Variants in ATAD2B observed in about 807,000 individuals in gnomAD.
ATAD2B encodes ATPase family AAA domain-containing protein 2B.
A neutral mutation model predicts 167.6 loss-of-function variants in ATAD2B; 40 were observed. The ratio of observed to expected loss-of-function variants is 0.24; its 90% CI spans 0.19 to 0.31. The LOEUF (loss-of-function observed/expected upper bound fraction) is 0.31, where lower values mean the gene tolerates loss of function less well. Among genes scored for constraint, ATAD2B ranks in the 10% least tolerant of loss-of-function variants. The pLI is 1.00. For missense variants in ATAD2B, 1,242 were observed against 1,757.2 expected, an observed-to-expected ratio of 0.71 and a Z score of 5.24; for synonymous variants, 579 against 596.5, an observed-to-expected ratio of 0.97 and a Z score of 0.43.
At chr2:23,919,609 G>A (rs926702084) in intron 1 of ATAD2B, among the ~76,000 whole-genome samples, 4 of 152,038 alleles carry the variant, frequency 2.6e-5, no homozygotes, top group Admixed American at 6.6e-5. Context: ...TTGAGAGGCC[G>A]AGGCGGGCAA....
chr2:23,831,774 T>C (rs1227071833), intron 14 of ATAD2B, among the ~76,000 whole-genome samples: 1 of 152,210 alleles, frequency 6.6e-6, no homozygotes, highest in Non-Finnish European at 1.5e-5. Flanking sequence ...CTAAATCCTA[T>C]CACTTTTTGC....
intron 8 of ATAD2B, among the ~76,000 whole-genome samples, chr2:23,875,215 A>G (rs1696645754): frequency 6.6e-6 from 1 of 151,622 alleles, no homozygotes; most frequent in Non-Finnish European, 1.5e-5. Context: ...TTAAAAGTAG[A>G]AACTGGTCGG....
At position 23,878,025 on chromosome 2, in the gene ATAD2B, A is replaced by AAAAG. The variant is rs1553440555; in HGVS notation, c.902-2122_902-2121insCTTT. ...ACCCTATCTCCAAAGAAAAAAAAAA[A>AAAAG]AAAAAAAAAAAAAAGCAAAATGTAT... On this transcript the variant is annotated intron_variant, in intron 7 of 27. Transcript: ENST00000238789. Among the ~76,000 whole-genome samples, 1,017 of 106,938 alleles carry AAAAG rather than the reference A, an allele frequency of 9.5e-3. 43 individuals carry two copies. The highest frequency in any genetic ancestry group is 0.016 in the Non-Finnish European group (768 of 47,180). The allele number at this position is 106,938 out of a possible 152,430, so 70.2% of individuals were successfully genotyped here. A position where few individuals can be genotyped will look rare whatever the true frequency, so the allele number is the denominator to read the frequency against.
intron 1 of ATAD2B, among the ~76,000 whole-genome samples, chr2:23,914,906 T>G (rs1174771114): frequency 6.6e-6 from 1 of 151,680 alleles, no homozygotes; most frequent in African/African-American, 2.4e-5. Flanking sequence ...GCAGCACATA[T>G]AGAAGTAATA....
intron 22 of ATAD2B, among the ~76,000 whole-genome samples, chr2:23,774,054 A>T (rs1174564034): frequency 6.6e-6 from 1 of 152,200 alleles, no homozygotes; most frequent in Non-Finnish European, 1.5e-5. Flanking sequence ...AAAAAATCCC[A>T]GAAGTATATT....
intron 13 of ATAD2B, among the ~76,000 whole-genome samples, chr2:23,838,872 C>T (rs943673029): frequency 5.9e-5 from 9 of 152,024 alleles, no homozygotes; most frequent in African/African-American, 2.2e-4. Flanking sequence ...CCCTAAGAGG[C>T]CTTAATAACT....
At chr2:23,809,468 T>C (rs1685203629) in intron 18 of ATAD2B, among the ~76,000 whole-genome samples, 1 of 152,096 alleles carries the variant, frequency 6.6e-6, no homozygotes, top group Non-Finnish European at 1.5e-5. Flanking sequence ...ATAATTACAG[T>C]ATATGTGTTA....
chr2:23,899,621 C>T lies in ATAD2B; in HGVS notation c.217-3651G>A, dbSNP rs1164834728. Among the ~76,000 whole-genome samples, 8 of 152,116 alleles carry T rather than the reference C, an allele frequency of 5.3e-5. No homozygotes were observed. In the South Asian group the frequency reaches 1.5e-3, roughly 28 times the overall value. On this transcript the variant is annotated intron_variant, in intron 1 of 27. Coordinates refer to ENST00000238789, the MANE Select transcript of ATAD2B (RefSeq NM_017552.4). ...CTTTTTTTTCTCTGAGATGGAGTCT[C>T]GCTCTCTCACCCAAGCTGGAGTGCA...
chr2:23,851,767 TC>T (rs1485134919), intron 13 of ATAD2B, among the ~76,000 whole-genome samples: 2 of 151,698 alleles, frequency 1.3e-5, no homozygotes, highest in East Asian at 1.9e-4. Flanking sequence ...TGCCTACAAA[TC>T]CCCCTCAGTC....
chr2:23,696,265 G>GCTGGGC, the ATAD2B span: 834 of 1,505,538 alleles, frequency 5.5e-4, 3 homozygotes, highest in African/African-American at 0.011. This position sits in a 1 kb window ranked among gnomAD's most constrained non-coding sequence, Gnocchi z 5.5. Flanking sequence ...TGCCCCTGGG[G>GCTGGGC]CTGGGCCTGC....
At position 23,877,847 on chromosome 2, in the gene ATAD2B, G is replaced by C. The variant is rs534889958; in HGVS notation, c.902-1943C>G. ...CACTCCAGCCTGGGTGACAGAATGA[G>C]ACTATCTCAAAAAAAAAGAAAAAGA... On this transcript the variant is annotated intron_variant, in intron 7 of 27. Coordinates refer to ENST00000238789, the MANE Select transcript of ATAD2B (RefSeq NM_017552.4). Among the ~76,000 whole-genome samples the C allele has an allele frequency of 1.0e-4, 15 of 149,248 alleles. No individual in the cohort carries two copies. The East Asian group carries it at 3.0e-3, about 29-fold the overall frequency.
the ATAD2B span, among the ~76,000 whole-genome samples, chr2:23,701,791 TGC>T: frequency 1.4e-4 from 6 of 43,048 alleles, no homozygotes; most frequent in Non-Finnish European, 3.4e-4. Flanking sequence ...GGCTTTTTTT[TGC>T]TTTTTTTTTT....
chr2:23,820,359 G>C lies in ATAD2B; in HGVS notation c.2132-477C>G, dbSNP rs540413453. Among the ~76,000 whole-genome samples the C allele has an allele frequency of 2.6e-5, 4 of 152,264 alleles. No individual in the cohort carries two copies. The East Asian group carries it at 5.8e-4, about 22-fold the overall frequency. On this transcript the variant is annotated intron_variant, in intron 16 of 27. Transcript: ENST00000238789. ...TTCAAAGAAGTCTTAGTGTAGTTAA[G>C]ATGGAGTCAGAAATTCCGTCAAAGC...
the ATAD2B span, chr2:23,693,137 G>A: frequency 1.8e-6 from 2 of 1,085,782 alleles, no homozygotes; most frequent in Non-Finnish European, 2.5e-6. Context: ...GGGGCCTGCA[G>A]GGACTCTGGA....
intron 9 of ATAD2B, 61 bp downstream of exon 9, chr2:23,869,602 T>TA: frequency 1.7e-6 from 2 of 1,183,206 alleles, no homozygotes; most frequent in Non-Finnish European, 2.4e-6. Flanking sequence ...AGAAAATCAC[T>TA]CAAAAAAAAC....
chr2:23,743,522 C>T, the ATAD2B span, among the ~76,000 whole-genome samples: 1 of 150,136 alleles, frequency 6.7e-6, no homozygotes, highest in South Asian at 2.1e-4. Flanking sequence ...GACATTACAC[C>T]ACTGCACTCC....
chr2:23,866,431 T>C (rs1695145209), intron 10 of ATAD2B, among the ~76,000 whole-genome samples: 2 of 152,110 alleles, frequency 1.3e-5, no homozygotes, highest in South Asian at 4.2e-4. Context: ...AGAAAAAGAA[T>C]TTAGTCTACT....
At chr2:23,716,399 G>C in the ATAD2B span, among the ~76,000 whole-genome samples, 2 of 152,132 alleles carry the variant, frequency 1.3e-5, no homozygotes, top group Non-Finnish European at 2.9e-5. Context: ...AATTTATAGA[G>C]ATCAGGTATA....
the ATAD2B span, among the ~76,000 whole-genome samples, chr2:23,709,374 C>CG: frequency 6.6e-6 from 1 of 152,140 alleles, no homozygotes; most frequent in Non-Finnish European, 1.5e-5. Flanking sequence ...AAAATCCAGT[C>CG]GGGGGGCCTC....
Sources: allele counts gnomAD v4.1 joint callset (sites outside exome capture counted in the v4.1 genomes callset), GRCh38; gene constraint gnomAD v4.1.1; non-coding constraint Gnocchi (gnomAD v3.1); transcripts MANE v1.5; gene names NCBI Gene and HGNC (gene_info 2026-07-23, HGNC 2026-07-21).